The following ILDR1 variants were observed in gnomAD, a reference collection of about 807,000 sequenced individuals.
ILDR1 encodes the protein immunoglobulin like domain containing receptor 1, also known as immunoglobulin-like domain-containing receptor 1.
Under a neutral mutation model 62.4 loss-of-function variants are expected in ILDR1, and 56 were observed. The ratio of observed to expected loss-of-function variants is 0.90; its 90% CI spans 0.72 to 1.12. ILDR1 has a LOEUF of 1.12. Among genes scored for constraint, ILDR1 ranks in the 50% most tolerant of loss-of-function variants. ILDR1 has a pLI of 0.00. For synonymous variants in ILDR1, 284 were observed against 277.8 expected (o/e 1.02, Z -0.22); for missense variants, 736 against 710.6 (o/e 1.04, Z -0.41).
At chr3:122,011,990 A>G (rs2071710989) in intron 1 of ILDR1, among the ~76,000 whole-genome samples, 1 of 152,212 alleles carries the variant, frequency 6.6e-6, no homozygotes. Context: ...TTTCCCAAGC[A>G]AGCAAGCTTG....
chr3:122,044,432 A>G, the ILDR1 span, among the ~76,000 whole-genome samples: 1 of 146,838 alleles, frequency 6.8e-6, no homozygotes, highest in Non-Finnish European at 1.5e-5. Flanking sequence ...CTGGCCTCAT[A>G]AAATGAGTTA....
chr3:122,009,346 C>CACAG (rs1403258187), intron 1 of ILDR1, among the ~76,000 whole-genome samples: 2 of 151,784 alleles, frequency 1.3e-5, no homozygotes, highest in African/African-American at 4.8e-5. Context: ...CACACACACA[C>CACAG]ACACACACAC....
chr3:121,991,269 T>G (rs2071341613), intron 7 of ILDR1, among the ~76,000 whole-genome samples: 2 of 152,218 alleles, frequency 1.3e-5, no homozygotes, highest in Admixed American at 6.5e-5. Context: ...GTAACTGGTG[T>G]TCCTCACCCT....
intron 1 of ILDR1, among the ~76,000 whole-genome samples, chr3:122,012,353 T>C (rs567674643): frequency 6.6e-6 from 1 of 152,364 alleles, no homozygotes; most frequent in East Asian, 1.9e-4. Context: ...TCCTTTATCC[T>C]GTGGAATTTT....
At chr3:122,040,016 T>C in the ILDR1 span, among the ~76,000 whole-genome samples, 4 of 152,122 alleles carry the variant, frequency 2.6e-5, no homozygotes, top group African/African-American at 9.6e-5. Context: ...ATAGCCTTAA[T>C]GGATACTAAA....
upstream of ILDR1, among the ~76,000 whole-genome samples, chr3:122,025,576 T>A (rs913575586): frequency 6.6e-6 from 1 of 152,240 alleles, no homozygotes; most frequent in Non-Finnish European, 1.5e-5. Context: ...AGCTGTTATC[T>A]CATCATTTAT....
the ILDR1 span, among the ~76,000 whole-genome samples, chr3:122,050,537 C>G: frequency 7.1e-6 from 1 of 140,528 alleles, no homozygotes; most frequent in Non-Finnish European, 1.5e-5. Flanking sequence ...AAAAACTTTG[C>G]TTTTACTTCC....
intron 7 of ILDR1, among the ~76,000 whole-genome samples, chr3:121,990,382 AT>A (rs1278520274): frequency 6.6e-6 from 1 of 152,244 alleles, no homozygotes; most frequent in Non-Finnish European, 1.5e-5. Context: ...AAGTAAAGTG[AT>A]AACTCCTTGG....
the ILDR1 span, among the ~76,000 whole-genome samples, chr3:122,035,785 T>C: frequency 6.6e-6 from 1 of 152,234 alleles, no homozygotes; most frequent in African/African-American, 2.4e-5. Context: ...CCCAGTCTCA[T>C]GTAGTTCTTT....
intron 1 of ILDR1, among the ~76,000 whole-genome samples, chr3:122,019,830 C>T (rs970877915): frequency 6.6e-5 from 10 of 152,190 alleles, no homozygotes; most frequent in Non-Finnish European, 4.4e-5. Flanking sequence ...CAGGAGAGAA[C>T]AAGGTGATGG....
intron 5 of ILDR1, among the ~76,000 whole-genome samples, chr3:121,996,404 C>T (rs1030550821): frequency 1.3e-5 from 2 of 152,208 alleles, no homozygotes; most frequent in African/African-American, 4.8e-5. Context: ...TCCAGGGTCT[C>T]ACCCTTCCTT....
chr3:122,012,424 T>C (rs1445418950), intron 1 of ILDR1, among the ~76,000 whole-genome samples: 3 of 152,200 alleles, frequency 2.0e-5, no homozygotes, highest in Non-Finnish European at 4.4e-5. Flanking sequence ...CTCTCAAAAA[T>C]GTTAATTCTA....
At position 121,993,451 on chromosome 3, in the gene ILDR1, C is replaced by T. The variant is rs35906279; in HGVS notation, c.1298G>A (p.Arg433Gln). 5,619 of 1,614,048 alleles carry T rather than the reference C, an allele frequency of 3.5e-3. 195 individuals are homozygous for T. The African/African-American group carries it at 0.066, about 19-fold the overall frequency. ...DVPSSSEARW[R>Q]PSHPPFRSRC... Reference sequence around the variant, plus strand: ...GCTCCTGAAAGGAGGGTGGCTCGGCCGCCAGCGTGCCTCACTGGATGAGGG... The same window carrying T: ...GCTCCTGAAAGGAGGGTGGCTCGGCTGCCAGCGTGCCTCACTGGATGAGGG... The change falls in exon 7 of 8, where the codon CGG (arginine) becomes CAG (glutamine). Residue 433 changes from arginine (R) to glutamine (Q), a missense_variant. By Grantham distance (43) the Arg-to-Gln change is conservative (BLOSUM62 1). Transcript: ENST00000344209.
At chr3:122,048,566 T>C in the ILDR1 span, among the ~76,000 whole-genome samples, 6,838 of 152,304 alleles carry the variant, frequency 0.045, 216 homozygotes, top group South Asian at 0.1. Flanking sequence ...AGCTTTTCTT[T>C]AATGGGAAGC....
At position 122,009,324 on chromosome 3, in the gene ILDR1, AACACAC is replaced by A. The variant is rs60284951; in HGVS notation, c.59-2169_59-2164del. On this transcript the variant is annotated intron_variant, in intron 1 of 7. Transcript: ENST00000344209. ...AACCACTGGTGTAGACTCAATTTAA[AACACAC>A]ACACACACACACACACACACACACA... 7.3e-3 allele frequency among the ~76,000 whole-genome samples: 1,011 copies of A among 137,900 alleles called. 15 individuals are homozygous for A. Among genetic ancestry groups the A allele is most frequent in the African/African-American group, 0.024 (902 of 37,476 alleles). 90.5% of individuals were successfully genotyped at this position (137,900 alleles called of 152,430 possible).
At chr3:122,033,392 C>A in the ILDR1 span, among the ~76,000 whole-genome samples, 1 of 151,078 alleles carries the variant, frequency 6.6e-6, no homozygotes, top group East Asian at 2.0e-4. Context: ...GGATATAGTG[C>A]CTTTGTGATT....
chr3:122,047,938 C>T, the ILDR1 span, among the ~76,000 whole-genome samples: 1 of 152,230 alleles, frequency 6.6e-6, no homozygotes, highest in Non-Finnish European at 1.5e-5. Context: ...TGGCTCCTCC[C>T]ACCTATTTCT....
chr3:122,022,029 G>C lies in ILDR1; in HGVS notation c.49C>G (p.Leu17Val), dbSNP rs758546534. 3 of 1,611,330 alleles carry C rather than the reference G, an allele frequency of 1.9e-6. No homozygotes were observed. In the South Asian group the frequency reaches 3.3e-5, roughly 18 times the overall value. ...TTTTTCCAAGGCTCACCTGCTGGGAGCCAGGTGCAGAGCAGCAGCCAAGGT... is the reference window on the plus strand; with the variant it reads ...TTTTTCCAAGGCTCACCTGCTGGGACCCAGGTGCAGAGCAGCAGCCAAGGT... Reference protein sequence around the residue: ...PAPWLLLCTWLPAGCLSLLVT... With the variant: ...PAPWLLLCTWVPAGCLSLLVT... The change falls in exon 1 of 8, where the codon CTC becomes GTC. Residue 17 changes from leucine (L) to valine (V), a missense_variant. Physicochemically the swap from Leu to Val is conservative, Grantham distance 32 (BLOSUM62 1). Coordinates refer to ENST00000344209, the MANE Select transcript of ILDR1 (RefSeq NM_001199799.2).
At chr3:121,994,032 G>T in intron 6 of ILDR1, 62 bp from the exon 7 acceptor site, 1 of 1,544,552 alleles carries the variant, frequency 6.5e-7, no homozygotes, top group Non-Finnish European at 8.8e-7. Flanking sequence ...CTCAGAATCA[G>T]GACATCAAAA....
Sources: allele counts gnomAD v4.1 joint callset (sites outside exome capture counted in the v4.1 genomes callset), GRCh38; gene constraint gnomAD v4.1.1; transcripts MANE v1.5; gene names NCBI Gene and HGNC (gene_info 2026-07-23, HGNC 2026-07-21).